The following ADAMTSL1 variants were observed in gnomAD, a reference collection of about 807,000 sequenced individuals.
ADAMTSL1 encodes the protein ADAMTS like 1, also known as ADAMTS-like protein 1.
A neutral mutation model predicts 201.8 loss-of-function variants in ADAMTSL1; 126 were observed. The observed-to-expected ratio is 0.62, with a 90% CI of 0.54 to 0.72. The LOEUF (loss-of-function observed/expected upper bound fraction) is 0.72, where lower values mean the gene tolerates loss of function less well. ADAMTSL1 is among the 30% of genes least tolerant of loss of function. ADAMTSL1 has a pLI of 0.00. For synonymous variants in ADAMTSL1, 1,121 were observed against 903.4 expected (o/e 1.24, Z -4.32); for missense variants, 2,679 against 2,277.8 (o/e 1.18, Z -3.59).
At chr9:18,031,714 C>G (rs889313089) in intron 1 of ADAMTSL1, among the ~76,000 whole-genome samples, 1 of 152,158 alleles carries the variant, frequency 6.6e-6, no homozygotes, top group African/African-American at 2.4e-5. Flanking sequence ...CCTGCATTTC[C>G]TTAGTCCCAT....
chr9:18,634,822 G>A (rs1236178827), intron 5 of ADAMTSL1, among the ~76,000 whole-genome samples: 1 of 106,256 alleles, frequency 9.4e-6, no homozygotes, highest in African/African-American at 3.3e-5. Flanking sequence ...CTGGGTGACA[G>A]AGCGAGATTC....
At chr9:18,135,039 T>A (rs1826101873) in intron 1 of ADAMTSL1, among the ~76,000 whole-genome samples, 1 of 152,182 alleles carries the variant, frequency 6.6e-6, no homozygotes, top group East Asian at 1.9e-4. Flanking sequence ...GCCATTGCCT[T>A]TTCTTTTCTC....
chr9:18,181,995 G>A (rs1035573870), intron 2 of ADAMTSL1, among the ~76,000 whole-genome samples: 7 of 152,132 alleles, frequency 4.6e-5, no homozygotes, highest in African/African-American at 1.7e-4. Context: ...GTAGGGACAT[G>A]GATGAAATTG....
At chr9:18,339,046 C>T (rs1835360550) in intron 2 of ADAMTSL1, among the ~76,000 whole-genome samples, 1 of 152,120 alleles carries the variant, frequency 6.6e-6, no homozygotes. Flanking sequence ...AGGTTAATTC[C>T]ATGTCTTTGC....
intron 2 of ADAMTSL1, among the ~76,000 whole-genome samples, chr9:18,234,311 G>T (rs1830757698): frequency 6.6e-6 from 1 of 152,140 alleles, no homozygotes; most frequent in Non-Finnish European, 1.5e-5. Context: ...AAAATATGTT[G>T]CTTTTGAAAT....
chr9:18,601,144 A>G lies in ADAMTSL1; in HGVS notation c.475-21099A>G, dbSNP rs374522509. ...CCTTCTGTATACTCAGCTCCAGAAT[A>G]GGACAATAAGTGCCCTTCCTGGTGA... On this transcript the variant is annotated intron_variant, in intron 4 of 28. Transcript: ENST00000380548. Among the ~76,000 whole-genome samples, 11 of 152,354 alleles carry G rather than the reference A, an allele frequency of 7.2e-5. No homozygotes were observed. In the South Asian group the frequency reaches 2.3e-3, roughly 32 times the overall value.
chr9:18,662,235 A>G (rs911386715), intron 9 of ADAMTSL1, among the ~76,000 whole-genome samples, 162 bp downstream of exon 9: 1 of 151,852 alleles, frequency 6.6e-6, no homozygotes, highest in Non-Finnish European at 1.5e-5. Context: ...TAGTACCCAT[A>G]CTCCTTGCTC....
intron 2 of ADAMTSL1, among the ~76,000 whole-genome samples, chr9:18,211,003 A>T (rs1829850406): frequency 6.6e-6 from 1 of 151,980 alleles, no homozygotes; most frequent in Non-Finnish European, 1.5e-5. Context: ...GAGAAGCGAC[A>T]AGGTGGGTCT....
chr9:18,592,939 C>A (rs552210608), intron 4 of ADAMTSL1, among the ~76,000 whole-genome samples: 14 of 151,986 alleles, frequency 9.2e-5, no homozygotes, highest in African/African-American at 3.1e-4. Flanking sequence ...TATTTCACTT[C>A]TCTGGTTAAT....
chr9:17,912,957 G>T (rs1404843344), intron 1 of ADAMTSL1, among the ~76,000 whole-genome samples: 1 of 152,052 alleles, frequency 6.6e-6, no homozygotes, highest in Non-Finnish European at 1.5e-5. Flanking sequence ...TTTCCCCATT[G>T]CTTGTTTTTC....
chr9:18,456,645 T>G (rs1306328952), intron 2 of ADAMTSL1, among the ~76,000 whole-genome samples: 1 of 152,246 alleles, frequency 6.6e-6, no homozygotes, highest in African/African-American at 2.4e-5. Context: ...ATTTCTATTT[T>G]GTTTTCTTTT....
chr9:18,807,112 A>T (rs1823181530), intron 20 of ADAMTSL1, among the ~76,000 whole-genome samples: 3 of 152,154 alleles, frequency 2.0e-5, no homozygotes. Context: ...TTCACTTCTC[A>T]TATTGGGCCT....
rs569882637 is a variant in ADAMTSL1 at position 18,821,270 on chromosome 9, C to T, written c.3934+4033C>T. On this transcript the variant is annotated intron_variant, in intron 21 of 28. Coordinates refer to ENST00000380548, the MANE Select transcript of ADAMTSL1 (RefSeq NM_001040272.6). ...AGGTTTATTTTTGCTTATCTAAGAG[C>T]CCAAAGAGTACACCTGGTCATCTGG... 6.6e-5 allele frequency among the ~76,000 whole-genome samples: 10 copies of T among 152,174 alleles called. No individual in the cohort carries two copies. The East Asian group carries it at 1.5e-3, about 24-fold the overall frequency.
chr9:18,901,501 A>AGAT (rs1830015610), intron 26 of ADAMTSL1, among the ~76,000 whole-genome samples: 1 of 152,242 alleles, frequency 6.6e-6, no homozygotes, highest in African/African-American at 2.4e-5. Context: ...TACAGCATAT[A>AGAT]GATATAATTC....
intron 1 of ADAMTSL1, among the ~76,000 whole-genome samples, chr9:18,071,546 C>T (rs897257360): frequency 6.6e-6 from 1 of 152,118 alleles, no homozygotes; most frequent in African/African-American, 2.4e-5. Flanking sequence ...TATAACAATG[C>T]TAGGAATGCT....
At chr9:18,549,458 C>T (rs1008747396) in intron 3 of ADAMTSL1, among the ~76,000 whole-genome samples, 1 of 151,900 alleles carries the variant, frequency 6.6e-6, no homozygotes, top group African/African-American at 2.4e-5. Flanking sequence ...ACTAACATAA[C>T]TACTACAGGC....
At chr9:18,118,113 A>T (rs1259725521) in intron 1 of ADAMTSL1, among the ~76,000 whole-genome samples, 1 of 152,206 alleles carries the variant, frequency 6.6e-6, no homozygotes, top group Non-Finnish European at 1.5e-5. Flanking sequence ...ATTTGCTCTC[A>T]CTTGATGAGT....
At chr9:18,595,841 A>T (rs932123021) in intron 4 of ADAMTSL1, among the ~76,000 whole-genome samples, 2 of 152,160 alleles carry the variant, frequency 1.3e-5, no homozygotes, top group South Asian at 4.1e-4. Context: ...TCTGGGCTTG[A>T]ACCCAGAAGC....
At chr9:17,922,809 A>C (rs771910768) in intron 1 of ADAMTSL1, among the ~76,000 whole-genome samples, 64 of 152,174 alleles carry the variant, frequency 4.2e-4, no homozygotes, top group Non-Finnish European at 7.9e-4. Flanking sequence ...ACCAGTTTAA[A>C]GTGTCTTTAT....
Sources: gnomAD v4.1 joint callset for allele counts (sites outside exome capture counted in the v4.1 genomes callset) on GRCh38, gnomAD v4.1.1 for gene constraint, MANE v1.5 for transcripts, NCBI Gene and HGNC (gene_info 2026-07-23, HGNC 2026-07-21) for gene names.